The following PTPN11 variants were observed in gnomAD, a reference collection of about 807,000 sequenced individuals.
PTPN11 encodes tyrosine-protein phosphatase non-receptor type 11.
In PTPN11, 6 loss-of-function variants were observed where a neutral mutation model predicts 78.8. That is an observed-to-expected ratio of 0.08 (90% CI 0.04 to 0.15). The LOEUF (loss-of-function observed/expected upper bound fraction) is 0.15, where lower values mean the gene tolerates loss of function less well. Ranked by LOEUF, PTPN11 falls within the 10% of genes least tolerant of loss-of-function variation. The pLI, the probability that PTPN11 is intolerant of heterozygous loss-of-function variation, is 1.00. For missense variants in PTPN11, 386 were observed against 744.8 expected (o/e 0.52, Z 5.61); for synonymous variants, 221 against 263.5 (o/e 0.84, Z 1.56).
Position 112,506,406 on chromosome 12 carries a change from G to T in PTPN11, c.*614G>T, listed in dbSNP as rs2038936135. On this transcript the variant is annotated 3_prime_UTR_variant, in exon 16 of 16. Coordinates refer to ENST00000351677, the MANE Select transcript of PTPN11 (RefSeq NM_002834.5). ...AAAGAGTCATAGAAAAAGAATCATG[G>T]ATATTTATGAATTAAGGTAAGAGGT... The T allele has an allele frequency of 1.3e-5, 2 of 151,288 alleles. No homozygotes were observed. Among genetic ancestry groups the T allele is most frequent in the Admixed American group, 1.3e-4 (2 of 15,208 alleles). The allele number at this position is 151,288 out of a possible 1,614,324, so 9.4% of individuals were successfully genotyped here.
intron 13 of PTPN11, among the ~76,000 whole-genome samples, chr12:112,495,735 G>A (rs1592858852): frequency 1.3e-5 from 2 of 152,134 alleles, no homozygotes; most frequent in Admixed American, 1.3e-4. Context: ...TGCCTTGAAC[G>A]TATTCAGGAC....
chr12:112,464,625 A>G (rs2038299123), intron 6 of PTPN11, among the ~76,000 whole-genome samples: 1 of 151,996 alleles, frequency 6.6e-6, no homozygotes, highest in Admixed American at 6.6e-5. Flanking sequence ...GGATTTCTCC[A>G]TGTTGGCCAG....
At chr12:112,437,140 G>A (rs2037805315) in intron 1 of PTPN11, among the ~76,000 whole-genome samples, 1 of 151,710 alleles carries the variant, frequency 6.6e-6, no homozygotes, top group Non-Finnish European at 1.5e-5. Context: ...CATCTTTTAC[G>A]TTTATTATTT....
At chr12:112,500,032 C>A (rs1383204944) in intron 13 of PTPN11, among the ~76,000 whole-genome samples, 1 of 151,492 alleles carries the variant, frequency 6.6e-6, no homozygotes, top group African/African-American at 2.4e-5. Context: ...TCACTTGAGG[C>A]CAGGAATTTG....
chr12:112,443,909 C>T (rs2037948255), intron 1 of PTPN11, among the ~76,000 whole-genome samples: 1 of 152,170 alleles, frequency 6.6e-6, no homozygotes, highest in South Asian at 2.1e-4. Flanking sequence ...CTGCCTTGGC[C>T]TCCCAAAATG....
At chr12:112,481,609 C>T (rs1592849953) in intron 9 of PTPN11, among the ~76,000 whole-genome samples, 1 of 152,292 alleles carries the variant, frequency 6.6e-6, no homozygotes, top group Non-Finnish European at 1.5e-5. Flanking sequence ...TCTCCTGCCT[C>T]AGCCTCCCAA....
rs997021901 is a variant in PTPN11, at chr12:112,455,232, C to CTTT, written c.642+571_642+573dup. Among the ~76,000 whole-genome samples the CTTT allele has an allele frequency of 3.2e-3, 370 of 116,208 alleles. 1 individual carries two copies. The highest frequency in any genetic ancestry group is 9.2e-3 in the African/African-American group (289 of 31,528). The allele number at this position is 116,208 out of a possible 152,430, so 76.2% of individuals were successfully genotyped here. On this transcript the variant is annotated intron_variant, in intron 5 of 15. Transcript: ENST00000351677. The stretch of plus-strand genomic sequence containing the variant: ...ATCTGTAAAAGGCATTACAGAGGTT[C>CTTT]TTTTTTTTTTTTTTTTTTTTTGAGA...
chr12:112,439,788 A>C (rs2037852972), intron 1 of PTPN11, among the ~76,000 whole-genome samples: 1 of 150,526 alleles, frequency 6.6e-6, no homozygotes, highest in Non-Finnish European at 1.5e-5. Context: ...CTTTTTTAAA[A>C]AAAAAAACAA....
intron 5 of PTPN11, 136 bp downstream of exon 5, chr12:112,454,816 ATC>A: frequency 4.4e-6 from 3 of 676,040 alleles, no homozygotes; most frequent in Non-Finnish European, 5.3e-6. Context: ...CAACTATCAA[ATC>A]TTTTTTTTTT....
Position 112,419,043 on chromosome 12 carries a change from G to A in PTPN11, c.-69G>A. 1 of 1,532,228 alleles carries A rather than the reference G, an allele frequency of 6.5e-7. No homozygotes were observed. Among genetic ancestry groups the A allele is most frequent in the Non-Finnish European group, 8.8e-7 (1 of 1,142,118 alleles). 94.9% of individuals were successfully genotyped at this position (1,532,228 alleles called of 1,614,324 possible). ...GAGCGGGCCTCCCTCGGGCCAGCCC[G>A]ATGTGACCGAGCCCAGCGGAGCCTG... On this transcript the variant is annotated 5_prime_UTR_variant, in exon 1 of 16. Coordinates refer to ENST00000351677, the MANE Select transcript of PTPN11 (RefSeq NM_002834.5).
At chr12:112,467,031 G>A (rs1176130360) in intron 6 of PTPN11, among the ~76,000 whole-genome samples, 1 of 152,164 alleles carries the variant, frequency 6.6e-6, no homozygotes, top group African/African-American at 2.4e-5. Context: ...CTGGGCTGCT[G>A]CTCCTGGCAT....
chr12:112,503,572 C>T lies in PTPN11; in HGVS notation c.1713-1123C>T, dbSNP rs376658681. On this transcript the variant is annotated intron_variant, in intron 14 of 15. Transcript: ENST00000351677. ...TTTCTATCTTTTTTCTTTTCTTTCC[C>T]AGTGGACTGCCTGGGAAAATTGATA... is the stretch of plus-strand genomic sequence containing the variant. Among the ~76,000 whole-genome samples, 27 of 152,230 alleles carry T rather than the reference C, an allele frequency of 1.8e-4. No individual in the cohort carries two copies. In the East Asian group the frequency reaches 3.1e-3, roughly 17 times the overall value.
At chr12:112,433,342 T>TAGG (rs954705523) in intron 1 of PTPN11, among the ~76,000 whole-genome samples, 6 of 152,186 alleles carry the variant, frequency 3.9e-5, no homozygotes, top group African/African-American at 1.4e-4. Flanking sequence ...AGGTGTGTAG[T>TAGG]AGGCTCTGCC....
chr12:112,492,231 A>G (rs546475024), intron 13 of PTPN11, among the ~76,000 whole-genome samples: 129 of 152,318 alleles, frequency 8.5e-4, no homozygotes, highest in African/African-American at 3.1e-3. Context: ...CATCAGGTAC[A>G]CACTGTTGAT....
At chr12:112,440,686 G>C (rs1176917354) in intron 1 of PTPN11, among the ~76,000 whole-genome samples, 1 of 146,814 alleles carries the variant, frequency 6.8e-6, no homozygotes, top group African/African-American at 2.5e-5. Flanking sequence ...TGATTCTCCT[G>C]CCTCAGCCTC....
rs566284216 is a variant in PTPN11 at position 112,445,719 on chromosome 12, G to A, written c.15-557G>A. Among the ~76,000 whole-genome samples, 421 of 148,476 alleles carry A rather than the reference G, an allele frequency of 2.8e-3. 5 individuals carry two copies. The highest frequency in any genetic ancestry group is 9.7e-3 in the African/African-American group (389 of 40,304). ...TGCAGTGGTGTGATCTTGGCTCACC[G>A]CAACCTCTGCCTCCTGGGTTCAAGC... On this transcript the variant is annotated intron_variant, in intron 1 of 15. Transcript: ENST00000351677.
chr12:112,473,588 T>C (rs139690074), intron 7 of PTPN11, among the ~76,000 whole-genome samples: 146 of 152,284 alleles, frequency 9.6e-4, no homozygotes, highest in African/African-American at 3.1e-3. Context: ...GGCTCACACC[T>C]GTAATCCCAG....
chr12:112,442,873 T>TATATATATATATATAA (rs2037927014), intron 1 of PTPN11, among the ~76,000 whole-genome samples: 1 of 78,300 alleles, frequency 1.3e-5, no homozygotes, highest in South Asian at 4.0e-4. Flanking sequence ...TATATATATA[T>TATATATATATATATAA]ATATAAATTA....
chr12:112,483,973 TGGAGGTGGGATGCGGAGG>T (rs1001613642), intron 10 of PTPN11, among the ~76,000 whole-genome samples: 32 of 151,206 alleles, frequency 2.1e-4, no homozygotes, highest in African/African-American at 7.8e-4. Context: ...GAGGCAAGGG[TGGAGGTGGGATGCGGAGG>T]GGAGGTGGGA....
Sources: gnomAD v4.1 joint callset for allele counts (sites outside exome capture counted in the v4.1 genomes callset) on GRCh38, gnomAD v4.1.1 for gene constraint, MANE v1.5 for transcripts, NCBI Gene and HGNC (gene_info 2026-07-23, HGNC 2026-07-21) for gene names.